TSNARE1: variants seen among roughly 807,000 people sequenced by gnomAD.
TSNARE1 encodes t-SNARE domain containing 1.
TSNARE1 carries 49 observed loss-of-function variants against 62.0 expected under a neutral mutation model. The ratio of observed to expected loss-of-function variants is 0.79; its 90% CI spans 0.63 to 1.00. The LOEUF is 1.00. TSNARE1 is among the 50% of genes least tolerant of loss of function. The pLI is 0.00. For missense variants in TSNARE1, 755 were observed against 700.1 expected (o/e 1.08, Z -0.88); for synonymous variants, 328 against 294.4 (o/e 1.11, Z -1.17).
chr8:142,333,401 G>C (rs1248749050), intron 4 of TSNARE1, among the ~76,000 whole-genome samples: 1 of 152,190 alleles, frequency 6.6e-6, no homozygotes, highest in Non-Finnish European at 1.5e-5. Context: ...AACTTTCTCT[G>C]CAAGTTTACA....
At position 142,359,938 on chromosome 8, in the gene TSNARE1, A is replaced by G. The variant is rs190180878; in HGVS notation, c.-39-5175T>C. 7.2e-5 allele frequency among the ~76,000 whole-genome samples: 11 copies of G among 152,276 alleles called. No individual in the cohort carries two copies. The East Asian group carries it at 1.7e-3, about 24-fold the overall frequency. On this transcript the variant is annotated intron_variant, in intron 1 of 13. Coordinates refer to ENST00000524325, the MANE Select transcript of TSNARE1 (RefSeq NM_145003.5). The stretch of plus-strand genomic sequence containing the variant: ...CAGGAGGAGGGGTCAGCACCCAGGC[A>G]TGCTGGCTCGCTCGGATGGGACTTC...
intron 12 of TSNARE1, among the ~76,000 whole-genome samples, chr8:142,257,061 C>T (rs975170895): frequency 1.5e-4 from 23 of 152,204 alleles, no homozygotes; most frequent in Non-Finnish European, 2.9e-4. Flanking sequence ...AAGGGACCTT[C>T]CCACGCACAC....
intron 2 of TSNARE1, among the ~76,000 whole-genome samples, chr8:142,350,133 AGGCAGGGCG>A (rs1212687430): frequency 6.1e-5 from 5 of 81,776 alleles, no homozygotes; most frequent in African/African-American, 1.0e-4. Flanking sequence ...GGACCAGGGC[AGGCAGGGCG>A]GGCAGGGCTG....
chr8:142,372,845 TCCCAGCAGACTCC>T lies in TSNARE1; in HGVS notation c.-39-18095_-39-18083del, dbSNP rs1168780028. ...GTTGTTTCCTTCCCTGCTGTGCCTC[TCCCAGCAGACTCC>T]CCCAGGCCTCCTCCTGAGAAGGCCA... On this transcript the variant is annotated intron_variant, in intron 1 of 13. Coordinates refer to ENST00000524325, the MANE Select transcript of TSNARE1 (RefSeq NM_145003.5). Among the ~76,000 whole-genome samples, 4 of 148,224 alleles carry T rather than the reference TCCCAGCAGACTCC, an allele frequency of 2.7e-5. No individual in the cohort carries two copies. The East Asian group carries it at 7.9e-4, about 29-fold the overall frequency.
intron 10 of TSNARE1, among the ~76,000 whole-genome samples, chr8:142,292,980 G>A (rs188145059): frequency 1.3e-5 from 2 of 152,220 alleles, no homozygotes; most frequent in East Asian, 3.9e-4. Flanking sequence ...AAAGTGGGGG[G>A]GCCACGTGTC....
intron 9 of TSNARE1, 28 bp from the exon 10 acceptor site, chr8:142,300,672 C>T (rs776746856): frequency 1.3e-6 from 2 of 1,593,304 alleles, no homozygotes; most frequent in South Asian, 1.1e-5. Context: ...ATCTTGTTAG[C>T]ACTGACCCCT....
intron 12 of TSNARE1, among the ~76,000 whole-genome samples, chr8:142,262,087 A>G (rs1818922177): frequency 6.6e-6 from 1 of 152,234 alleles, no homozygotes; most frequent in South Asian, 2.1e-4. Context: ...GCCCTCCAGC[A>G]GACACCGAAG....
In TSNARE1 at chr8:142,344,341, T is replaced by C. The variant is rs752561200; in HGVS notation, c.370A>G (p.Arg124Gly). Reference protein sequence around the residue: ...AGPSTTRAKKRKPNFCPQETE... With the variant: ...AGPSTTRAKKGKPNFCPQETE... ...TCCTGCGGGCAGAAGTTGGGCTTCC[T>C]CTTCTTGGCCCGGGTAGTGCTGGGC... The change falls in exon 4 of 14, where the codon AGG becomes GGG. Residue 124 changes from arginine to glycine, a missense_variant. Arg to Gly is a moderately radical substitution (Grantham distance 125). Transcript: ENST00000524325. 1 of 1,581,550 alleles carries C rather than the reference T, an allele frequency of 6.3e-7. No individual in the cohort carries two copies. The highest frequency in any genetic ancestry group is 8.6e-7 in the Non-Finnish European group (1 of 1,162,142).
intron 2 of TSNARE1, among the ~76,000 whole-genome samples, chr8:142,346,376 G>A (rs1271138342): frequency 1.3e-5 from 2 of 152,252 alleles, no homozygotes; most frequent in Admixed American, 6.5e-5. Flanking sequence ...TCGGCTTTGC[G>A]GAGGCAGAGA....
At chr8:142,393,572 A>C (rs1837695564) in intron 1 of TSNARE1, among the ~76,000 whole-genome samples, 1 of 152,262 alleles carries the variant, frequency 6.6e-6, no homozygotes, top group African/African-American at 2.4e-5. Flanking sequence ...AATTTACAAA[A>C]AGATCCTGAG....
At chr8:142,359,156 C>G (rs558691764) in intron 1 of TSNARE1, among the ~76,000 whole-genome samples, 28 of 152,282 alleles carry the variant, frequency 1.8e-4, no homozygotes, top group African/African-American at 6.5e-4. Context: ...CTCATGCCCC[C>G]ACTTCTCAAC....
rs564871273 is a variant in TSNARE1, at chr8:142,372,218, G to A, written c.-39-17455C>T. ...AGACCCACCACGGGAGCCTGACCCC[G>A]CAGGTCCGCAGCACGACAGACAGAG... On this transcript the variant is annotated intron_variant, in intron 1 of 13. Transcript: ENST00000524325. Among the ~76,000 whole-genome samples, 335 of 152,302 alleles carry A rather than the reference G, an allele frequency of 2.2e-3. 2 individuals are homozygous for A. The highest frequency in any genetic ancestry group is 5.0e-3 in the African/African-American group (208 of 41,584).
chr8:142,371,239 A>G (rs955661500), intron 1 of TSNARE1, among the ~76,000 whole-genome samples: 3 of 152,254 alleles, frequency 2.0e-5, no homozygotes, highest in Non-Finnish European at 2.9e-5. Context: ...CTCCAGGCCT[A>G]GAGGCTTCAG....
rs1353816018 is a variant in TSNARE1, at chr8:142,275,103, C to CCCACA, written c.1364-245_1364-241dup. On this transcript the variant is annotated intron_variant, in intron 11 of 13. Transcript: ENST00000524325. Reference sequence around the variant, plus strand: ...GCCCAGGGAAGGGGACTCCTCAGTGCCCACACCAGGTGGGGCAGGAAGAGT... The same window carrying CCCACA: ...GCCCAGGGAAGGGGACTCCTCAGTGCCCACACCACACCAGGTGGGGCAGGAAGAGT... 2.3e-5 allele frequency: 23 copies of CCCACA among 985,378 alleles called. No individual in the cohort carries two copies. The South Asian group carries it at 9.9e-4, about 42-fold the overall frequency. The allele number at this position is 985,378 out of a possible 1,614,324, so 61.0% of individuals were successfully genotyped here.
At chr8:142,258,973 G>T (rs1038520436) in intron 12 of TSNARE1, among the ~76,000 whole-genome samples, 1 of 152,172 alleles carries the variant, frequency 6.6e-6, no homozygotes, top group Non-Finnish European at 1.5e-5. Flanking sequence ...TACTCCCACC[G>T]CCAGCCCAAG....
At chr8:142,377,611 C>A (rs1836439475) in intron 1 of TSNARE1, among the ~76,000 whole-genome samples, 1 of 152,196 alleles carries the variant, frequency 6.6e-6, no homozygotes, top group Non-Finnish European at 1.5e-5. Flanking sequence ...CCAGAGGATG[C>A]CAGCACCTGC....
intron 13 of TSNARE1, among the ~76,000 whole-genome samples, chr8:142,218,787 T>C (rs1400885325): frequency 3.9e-5 from 6 of 152,200 alleles, no homozygotes; most frequent in Non-Finnish European, 7.3e-5. Context: ...CTTGGGCAAC[T>C]GGAGCACCCA....
At chr8:142,317,011 T>C (rs1563899042) in intron 7 of TSNARE1, among the ~76,000 whole-genome samples, 1 of 151,924 alleles carries the variant, frequency 6.6e-6, no homozygotes, top group Non-Finnish European at 1.5e-5. Context: ...CAGGGACAGA[T>C]TGGCGTCTCG....
At chr8:142,340,445 G>A (rs1375816565) in intron 4 of TSNARE1, among the ~76,000 whole-genome samples, 1 of 152,224 alleles carries the variant, frequency 6.6e-6, no homozygotes, top group Non-Finnish European at 1.5e-5. Context: ...GGAGCTGAGG[G>A]TGGGGTGACT....
Sources: allele counts gnomAD v4.1 joint callset (sites outside exome capture counted in the v4.1 genomes callset), GRCh38; gene constraint gnomAD v4.1.1; transcripts MANE v1.5; gene names NCBI Gene and HGNC (gene_info 2026-07-23, HGNC 2026-07-21).